The following SNTG1 variants were observed in gnomAD, a reference collection of about 807,000 sequenced individuals.
SNTG1 encodes the protein gamma-1-syntrophin.
SNTG1 carries 39 observed loss-of-function variants against 74.7 expected under a neutral mutation model. The ratio of observed to expected loss-of-function variants is 0.52; its 90% CI spans 0.40 to 0.68. The LOEUF is 0.68. Ranked by LOEUF, SNTG1 falls within the 30% of genes least tolerant of loss-of-function variation. The pLI is 0.00. For missense variants in SNTG1, 685 were observed against 609.5 expected (o/e 1.12, Z -1.30); for synonymous variants, 254 against 217.1 (o/e 1.17, Z -1.49).
chr8:50,571,352 G>T (rs551858154), intron 12 of SNTG1, among the ~76,000 whole-genome samples: 3 of 152,200 alleles, frequency 2.0e-5, no homozygotes, highest in East Asian at 3.9e-4. Context: ...GGAATGTGGG[G>T]TAATTGATCC....
intron 2 of SNTG1, among the ~76,000 whole-genome samples, chr8:50,250,602 G>A (rs1279966003): frequency 1.3e-5 from 2 of 152,068 alleles, no homozygotes; most frequent in Non-Finnish European, 2.9e-5. Context: ...ATTTCCATTA[G>A]ACTATCAGCA....
At chr8:50,137,343 C>T (rs986342142) in intron 1 of SNTG1, among the ~76,000 whole-genome samples, 5 of 152,150 alleles carry the variant, frequency 3.3e-5, no homozygotes, top group African/African-American at 1.2e-4. Context: ...AGTCCCCCAT[C>T]TCATTGGACC....
intron 8 of SNTG1, among the ~76,000 whole-genome samples, chr8:50,495,521 T>C (rs1463921402): frequency 6.6e-6 from 1 of 151,580 alleles, no homozygotes; most frequent in Non-Finnish European, 1.5e-5. Flanking sequence ...TGACTTCACA[T>C]AGTTGATTAA....
intron 12 of SNTG1, among the ~76,000 whole-genome samples, chr8:50,577,109 G>A (rs978917208): frequency 6.6e-6 from 1 of 152,126 alleles, no homozygotes; most frequent in African/African-American, 2.4e-5. Context: ...TTCCCTGGCG[G>A]TTTTTATGTA....
At chr8:50,234,645 T>C (rs568361994) in intron 2 of SNTG1, among the ~76,000 whole-genome samples, 1 of 152,184 alleles carries the variant, frequency 6.6e-6, no homozygotes, top group South Asian at 2.1e-4. Flanking sequence ...CCTGTGAATG[T>C]ATAAAAAGTC....
intron 13 of SNTG1, among the ~76,000 whole-genome samples, chr8:50,648,122 T>G (rs2095122244): frequency 6.6e-6 from 1 of 152,186 alleles, no homozygotes; most frequent in Non-Finnish European, 1.5e-5. Context: ...AATGTTTGAC[T>G]GAGAGAGCAA....
chr8:50,622,715 A>G (rs2094931050), intron 13 of SNTG1, among the ~76,000 whole-genome samples: 1 of 152,152 alleles, frequency 6.6e-6, no homozygotes, highest in South Asian at 2.1e-4. Flanking sequence ...TTAATAGTGT[A>G]TTACAGATGA....
chr8:50,520,626 C>A (rs891608350), intron 9 of SNTG1, among the ~76,000 whole-genome samples: 1 of 152,148 alleles, frequency 6.6e-6, no homozygotes, highest in Non-Finnish European at 1.5e-5. Flanking sequence ...TGAACAGACA[C>A]TTCTCAAAAG....
At chr8:49,924,113 G>T (rs7004973) in intron 1 of SNTG1, among the ~76,000 whole-genome samples, 13,315 of 152,114 alleles carry the variant, frequency 0.088, 802 homozygotes, top group South Asian at 0.2. Context: ...AGCTCTGCTA[G>T]CCCAGTACAA....
chr8:50,765,356 G>A (rs941287671), intron 18 of SNTG1, among the ~76,000 whole-genome samples: 1 of 151,942 alleles, frequency 6.6e-6, no homozygotes, highest in Non-Finnish European at 1.5e-5. Flanking sequence ...AGGTTTACTG[G>A]TCTGCATCCA....
At chr8:50,503,482 G>A (rs2093981192) in intron 9 of SNTG1, among the ~76,000 whole-genome samples, 1 of 152,088 alleles carries the variant, frequency 6.6e-6, no homozygotes, top group Non-Finnish European at 1.5e-5. Flanking sequence ...TTCTGAAAAG[G>A]CACACATTTG....
At chr8:50,609,431 TATTTGATAA>T (rs1274780940) in intron 13 of SNTG1, among the ~76,000 whole-genome samples, 4 of 152,170 alleles carry the variant, frequency 2.6e-5, no homozygotes, top group Non-Finnish European at 5.9e-5. Context: ...TACTTTCCTA[TATTTGATAA>T]ATGTTTTTTT....
chr8:49,946,689 G>A (rs573368634), intron 1 of SNTG1, among the ~76,000 whole-genome samples: 12 of 152,152 alleles, frequency 7.9e-5, no homozygotes, highest in South Asian at 4.2e-4. Context: ...AAAGTGGGCC[G>A]TCTGATGTAA....
chr8:50,616,795 G>A lies in SNTG1; in HGVS notation c.849+25878G>A. On this transcript the variant is annotated intron_variant, in intron 13 of 18. Coordinates refer to ENST00000642720, the MANE Select transcript of SNTG1 (RefSeq NM_018967.5). ...GCATTAACAGACCAGAGGCAGGATT[G>A]TGGCAGATTTACTCCGTAAGGCTTT... Among the ~76,000 whole-genome samples the A allele has an allele frequency of 1.3e-5, 2 of 152,156 alleles. 1 individual carries two copies. Among genetic ancestry groups the A allele is most frequent in the Non-Finnish European group, 2.9e-5 (2 of 68,020 alleles).
intron 1 of SNTG1, among the ~76,000 whole-genome samples, chr8:50,105,778 T>C (rs1244906472): frequency 1.3e-5 from 2 of 152,232 alleles, no homozygotes; most frequent in African/African-American, 2.4e-5. Context: ...AGGTATTTTA[T>C]TATTTTTGTG....
intron 2 of SNTG1, among the ~76,000 whole-genome samples, chr8:50,284,214 T>C (rs946953905): frequency 2.6e-5 from 4 of 152,136 alleles, no homozygotes; most frequent in Admixed American, 6.6e-5. Flanking sequence ...AAACATATTC[T>C]TATGAAATGA....
At chr8:49,952,464 A>C (rs1809809707) in intron 1 of SNTG1, among the ~76,000 whole-genome samples, 1 of 152,204 alleles carries the variant, frequency 6.6e-6, no homozygotes, top group Admixed American at 6.5e-5. Context: ...GGAAATGGGA[A>C]AGATCTTGGC....
intron 2 of SNTG1, among the ~76,000 whole-genome samples, chr8:50,360,064 C>T (rs1053848625): frequency 1.3e-5 from 2 of 152,046 alleles, no homozygotes; most frequent in African/African-American, 4.8e-5. Flanking sequence ...TTCTAATTTT[C>T]AGTGAATGGG....
In SNTG1 at chr8:50,403,031, ACATTATC is replaced by A. The variant is rs540192423; in HGVS notation, c.162+688_162+694del. On this transcript the variant is annotated intron_variant, in intron 4 of 18. Transcript: ENST00000642720. ...AGATTAGATTTTATTCTGCTAAAAG[ACATTATC>A]ATAAGACGAGTTCTGGAGTTTATCA... Among the ~76,000 whole-genome samples, 946 of 152,340 alleles carry A rather than the reference ACATTATC, an allele frequency of 6.2e-3. 4 individuals carry two copies. The highest frequency in any genetic ancestry group is 0.022 in the African/African-American group (907 of 41,568).
Sources: allele counts gnomAD v4.1 joint callset (sites outside exome capture counted in the v4.1 genomes callset), GRCh38; gene constraint gnomAD v4.1.1; transcripts MANE v1.5; gene names NCBI Gene and HGNC (gene_info 2026-07-23, HGNC 2026-07-21).